GCH1: variants seen among roughly 807,000 people sequenced by gnomAD.
GCH1 encodes the protein GTP cyclohydrolase I.
In GCH1, 5 loss-of-function variants were observed where a neutral mutation model predicts 25.9. That is an observed-to-expected ratio of 0.19 (90% CI 0.10 to 0.41). GCH1 has a LOEUF of 0.41. GCH1 is among the 10% of genes least tolerant of loss of function. The pLI, the probability that GCH1 is intolerant of heterozygous loss-of-function variation, is 1.00. For synonymous variants in GCH1, 159 were observed against 129.6 expected, an observed-to-expected ratio of 1.23 and a Z score of -1.54; for missense variants, 261 against 336.5, an observed-to-expected ratio of 0.78 and a Z score of 1.75.
rs190106313 is a variant in GCH1 at position 54,849,809 on chromosome 14, A to T, written c.510-2679T>A. ...CCTGTCTTTGCGCTGCATTCAGCAC[A>T]ATTTCTTTAGACCTTTCTTCCCAAT... On this transcript the variant is annotated intron_variant, in intron 3 of 5. Transcript: ENST00000491895. Among the ~76,000 whole-genome samples the T allele has an allele frequency of 9.9e-5, 15 of 152,284 alleles. No individual in the cohort carries two copies. In the East Asian group the frequency reaches 2.9e-3, roughly 29 times the overall value.
intron 1 of GCH1, among the ~76,000 whole-genome samples, chr14:54,876,241 G>T (rs143080866): frequency 6.6e-6 from 1 of 152,020 alleles, no homozygotes; most frequent in East Asian, 1.9e-4. Flanking sequence ...GCAAACTATT[G>T]CAAGGACAAA....
chr14:54,897,246 A>G (rs1377614946), intron 1 of GCH1, among the ~76,000 whole-genome samples: 32 of 150,404 alleles, frequency 2.1e-4, no homozygotes, highest in Admixed American at 6.6e-5. Flanking sequence ...TCAGCCTCCC[A>G]AAGTGCTGGG....
At chr14:54,891,185 C>T (rs1471536439) in intron 1 of GCH1, among the ~76,000 whole-genome samples, 1 of 152,188 alleles carries the variant, frequency 6.6e-6, no homozygotes, top group African/African-American at 2.4e-5. Context: ...TCACTGCAAC[C>T]TTCGGCTCCC....
At chr14:54,849,331 C>T (rs958288130) in intron 3 of GCH1, among the ~76,000 whole-genome samples, 1 of 150,948 alleles carries the variant, frequency 6.6e-6, no homozygotes, top group African/African-American at 2.4e-5. Context: ...CATGTAGCTT[C>T]CCTAGATTAA....
At chr14:54,868,154 C>T (rs1038038431) in intron 1 of GCH1, among the ~76,000 whole-genome samples, 2 of 152,186 alleles carry the variant, frequency 1.3e-5, no homozygotes, top group African/African-American at 4.8e-5. Flanking sequence ...TGGCTCACAC[C>T]TGTAATCCCA....
At chr14:54,881,628 A>G (rs185619935) in intron 1 of GCH1, among the ~76,000 whole-genome samples, 16 of 152,322 alleles carry the variant, frequency 1.1e-4, no homozygotes, top group Admixed American at 8.5e-4. Context: ...TAAGACGACT[A>G]CAGACAACCA....
At chr14:54,858,874 C>T in intron 3 of GCH1, among the ~76,000 whole-genome samples, 1 of 152,174 alleles carries the variant, frequency 6.6e-6, no homozygotes, top group East Asian at 1.9e-4. Flanking sequence ...ATGTTGACTT[C>T]CAGTTAAACA....
At chr14:54,845,060 C>A (rs561158818) in intron 5 of GCH1, among the ~76,000 whole-genome samples, 1 of 152,130 alleles carries the variant, frequency 6.6e-6, no homozygotes, top group South Asian at 2.1e-4. Flanking sequence ...GTAATCCCAG[C>A]TATTTGGGAG....
chr14:54,851,112 T>C (rs2039723588), intron 3 of GCH1, among the ~76,000 whole-genome samples: 1 of 152,040 alleles, frequency 6.6e-6, no homozygotes, highest in African/African-American at 2.4e-5. Context: ...TTGACAAACA[T>C]GACAAAAACA....
intron 1 of GCH1, among the ~76,000 whole-genome samples, chr14:54,876,767 T>A (rs1439441301): frequency 1.3e-5 from 2 of 152,138 alleles, no homozygotes; most frequent in Admixed American, 1.3e-4. Context: ...GACATATACA[T>A]ATGAATGTAT....
chr14:54,856,692 A>G (rs2039816409), intron 3 of GCH1, among the ~76,000 whole-genome samples: 1 of 152,162 alleles, frequency 6.6e-6, no homozygotes, highest in African/African-American at 2.4e-5. Flanking sequence ...ACCTCAAGTG[A>G]TCTGCCCACC....
At chr14:54,850,454 C>T (rs1311661382) in intron 3 of GCH1, among the ~76,000 whole-genome samples, 5 of 150,986 alleles carry the variant, frequency 3.3e-5, no homozygotes, top group Non-Finnish European at 7.4e-5. Context: ...CTGGGATTAG[C>T]GGCACCCGCC....
intron 3 of GCH1, among the ~76,000 whole-genome samples, chr14:54,847,607 G>A (rs1336612844): frequency 6.6e-6 from 1 of 151,996 alleles, no homozygotes; most frequent in Non-Finnish European, 1.5e-5. Context: ...CCTCAAGCTT[G>A]CAGACAGCCT....
intron 1 of GCH1, among the ~76,000 whole-genome samples, chr14:54,897,073 A>C (rs1250882163): frequency 5.1e-5 from 7 of 135,924 alleles, no homozygotes; most frequent in African/African-American, 2.0e-4. Context: ...GCAGTGGCAC[A>C]ATCTCGGCTC....
chr14:54,868,315 G>C (rs1366106419), intron 1 of GCH1, among the ~76,000 whole-genome samples: 1 of 152,054 alleles, frequency 6.6e-6, no homozygotes, highest in African/African-American at 2.4e-5. Context: ...TATTCAGGAG[G>C]CTAAGGCAGG....
intron 1 of GCH1, among the ~76,000 whole-genome samples, chr14:54,871,782 A>G (rs2040083124): frequency 6.6e-6 from 1 of 152,232 alleles, no homozygotes; most frequent in Non-Finnish European, 1.5e-5. Flanking sequence ...TGAAGCAAGA[A>G]GAGAAGTTTA....
chr14:54,875,330 G>C (rs545159038), intron 1 of GCH1, among the ~76,000 whole-genome samples: 42 of 152,280 alleles, frequency 2.8e-4, no homozygotes, highest in East Asian at 5.8e-4. Flanking sequence ...ATTCAAGATG[G>C]ATTAAACACT....
intron 3 of GCH1, among the ~76,000 whole-genome samples, chr14:54,853,738 A>T (rs979431346): frequency 6.8e-6 from 1 of 146,660 alleles, no homozygotes; most frequent in Non-Finnish European, 1.5e-5. Flanking sequence ...TTTGCCTATC[A>T]TTTTTTTTTT....
intron 3 of GCH1, among the ~76,000 whole-genome samples, chr14:54,856,913 C>T (rs1166121255): frequency 1.3e-5 from 2 of 152,170 alleles, no homozygotes; most frequent in Non-Finnish European, 2.9e-5. Context: ...GGCTTTACTG[C>T]TTGATATTTG....
Sources: allele counts gnomAD v4.1 joint callset (sites outside exome capture counted in the v4.1 genomes callset), GRCh38; gene constraint gnomAD v4.1.1; transcripts MANE v1.5; gene names NCBI Gene and HGNC (gene_info 2026-07-23, HGNC 2026-07-21).